STT3B: variants seen among roughly 807,000 people sequenced by gnomAD.
STT3B encodes dolichyl-diphosphooligosaccharide--protein glycosyltransferase subunit STT3B.
Under a neutral mutation model 96.8 loss-of-function variants are expected in STT3B, and 29 were observed. The observed-to-expected ratio is 0.30, with a 90% CI of 0.22 to 0.41. STT3B has a LOEUF of 0.41. STT3B is among the 10% of genes least tolerant of loss of function. The probability of loss-of-function intolerance (pLI) is 1.00; values close to 1 mark genes in which losing one functional copy is unlikely to be tolerated. For synonymous variants in STT3B, 367 were observed against 360.0 expected, an observed-to-expected ratio of 1.02 and a Z score of -0.22; for missense variants, 640 against 1,022.3, an observed-to-expected ratio of 0.63 and a Z score of 5.10.
At chr3:31,567,682 T>G (rs190394763) in intron 1 of STT3B, among the ~76,000 whole-genome samples, 160 of 152,312 alleles carry the variant, frequency 1.1e-3, no homozygotes, top group African/African-American at 3.2e-3. Flanking sequence ...AGGTTAATTT[T>G]AAGGCTGAGA....
chr3:31,558,539 C>T (rs187245274), intron 1 of STT3B, among the ~76,000 whole-genome samples: 242 of 152,164 alleles, frequency 1.6e-3, no homozygotes, highest in Non-Finnish European at 2.7e-3. Context: ...TGGTATAAAC[C>T]CATTTCATCA....
At chr3:31,572,541 T>G (rs1698182998) in intron 1 of STT3B, among the ~76,000 whole-genome samples, 1 of 152,156 alleles carries the variant, frequency 6.6e-6, no homozygotes, top group African/African-American at 2.4e-5. Flanking sequence ...CTAAGTGTTG[T>G]AAGTTTGAAC....
At chr3:31,572,911 A>G (rs1011567822) in intron 1 of STT3B, among the ~76,000 whole-genome samples, 1 of 152,218 alleles carries the variant, frequency 6.6e-6, no homozygotes, top group Non-Finnish European at 1.5e-5. Flanking sequence ...TTGGAGACAC[A>G]GTGATGTCTT....
At chr3:31,603,928 A>G (rs1314655705) in intron 5 of STT3B, among the ~76,000 whole-genome samples, 1 of 152,176 alleles carries the variant, frequency 6.6e-6, no homozygotes, top group African/African-American at 2.4e-5. Context: ...TGCTTTCCAG[A>G]TACATACAAT....
At chr3:31,586,082 A>G (rs1698528887) in intron 3 of STT3B, among the ~76,000 whole-genome samples, 1 of 152,106 alleles carries the variant, frequency 6.6e-6, no homozygotes. Context: ...CAAATACATG[A>G]CAGTAATATT....
chr3:31,571,686 C>T (rs1205081884), intron 1 of STT3B, among the ~76,000 whole-genome samples: 6 of 151,962 alleles, frequency 3.9e-5, no homozygotes, highest in Non-Finnish European at 4.4e-5. Context: ...AAAAGAAAAT[C>T]AGGCAGCTAA....
At chr3:31,625,497 C>T (rs1264137969) in intron 12 of STT3B, among the ~76,000 whole-genome samples, 2 of 152,126 alleles carry the variant, frequency 1.3e-5, no homozygotes, top group African/African-American at 2.4e-5. Context: ...AATGTAATCC[C>T]CTCTTTGTAC....
chr3:31,633,335 T>C (rs888762582), intron 15 of STT3B, among the ~76,000 whole-genome samples, 188 bp downstream of exon 15: 2 of 152,194 alleles, frequency 1.3e-5, no homozygotes, highest in Non-Finnish European at 2.9e-5. Context: ...ACTTCAGATA[T>C]CCCAAGCTGA....
chr3:31,542,325 T>C (rs1408595724), intron 1 of STT3B, among the ~76,000 whole-genome samples: 1 of 152,202 alleles, frequency 6.6e-6, no homozygotes, highest in East Asian at 1.9e-4. Flanking sequence ...AGGTCTGAGC[T>C]GAGGAATTTA....
intron 1 of STT3B, among the ~76,000 whole-genome samples, chr3:31,537,042 C>T (rs1697118826): frequency 6.6e-6 from 1 of 152,228 alleles, no homozygotes; most frequent in African/African-American, 2.4e-5. Context: ...GTGGGTTCTC[C>T]CTAGAGAGAA....
chr3:31,623,947 T>TCACAAACAACATTCTA, intron 11 of STT3B, 86 bp downstream of exon 11: 2 of 1,183,864 alleles, frequency 1.7e-6, no homozygotes, highest in Non-Finnish European at 2.3e-6. Context: ...AAATAGAATG[T>TCACAAACAACATTCTA]TGTTTGTGAG....
At chr3:31,551,054 C>T (rs1054487272) in intron 1 of STT3B, among the ~76,000 whole-genome samples, 9 of 152,110 alleles carry the variant, frequency 5.9e-5, no homozygotes, top group Admixed American at 4.6e-4. Context: ...CCTGAGAGGG[C>T]CTACTAATAG....
At chr3:31,554,623 A>G (rs992555504) in intron 1 of STT3B, among the ~76,000 whole-genome samples, 2 of 152,120 alleles carry the variant, frequency 1.3e-5, no homozygotes, top group East Asian at 3.9e-4. Flanking sequence ...GTGAGTTTTA[A>G]TTTATTCATC....
At chr3:31,564,576 C>G (rs1294325376) in intron 1 of STT3B, among the ~76,000 whole-genome samples, 1 of 152,184 alleles carries the variant, frequency 6.6e-6, no homozygotes, top group Non-Finnish European at 1.5e-5. Flanking sequence ...GGCATAATAA[C>G]CACTCATAAA....
At chr3:31,601,680 A>C (rs1369363080) in intron 5 of STT3B, among the ~76,000 whole-genome samples, 1 of 152,150 alleles carries the variant, frequency 6.6e-6, no homozygotes, top group African/African-American at 2.4e-5. Context: ...AATATTTTAG[A>C]ATTATATAGT....
Position 31,636,168 on chromosome 3 carries a change from A to T in STT3B, c.*104A>T. 1 of 832,486 alleles carries T rather than the reference A, an allele frequency of 1.2e-6. No homozygotes were observed. The highest frequency in any genetic ancestry group is 2.8e-5 in the East Asian group (1 of 35,150). The allele number at this position is 832,486 out of a possible 1,614,324, so 51.6% of individuals were successfully genotyped here. On this transcript the variant is annotated 3_prime_UTR_variant, in exon 16 of 16. Coordinates refer to ENST00000295770, the MANE Select transcript of STT3B (RefSeq NM_178862.3). ...ACAGCAAAGAGGGTACAGAACCATCACTGGTCCAGGTTAATGTACAAAATT... is the reference window on the plus strand; with the variant it reads ...ACAGCAAAGAGGGTACAGAACCATCTCTGGTCCAGGTTAATGTACAAAATT...
At chr3:31,543,058 T>A (rs1478326972) in intron 1 of STT3B, among the ~76,000 whole-genome samples, 2 of 98,338 alleles carry the variant, frequency 2.0e-5, no homozygotes, top group Non-Finnish European at 4.0e-5. Flanking sequence ...AGAGTGAGAC[T>A]CCATCTCACA....
At chr3:31,614,753 T>C (rs1699266830) in intron 5 of STT3B, among the ~76,000 whole-genome samples, 1 of 150,586 alleles carries the variant, frequency 6.6e-6, no homozygotes, top group African/African-American at 2.5e-5. Flanking sequence ...ATAGGACTGA[T>C]ATTTACTTAA....
At chr3:31,590,096 TTTTATCTAAATGACCTAA>T (rs1173724096) in intron 3 of STT3B, among the ~76,000 whole-genome samples, 2 of 151,998 alleles carry the variant, frequency 1.3e-5, no homozygotes, top group African/African-American at 4.8e-5. Context: ...AGTTTTTTTA[TTTTATCTAAATGACCTAA>T]TTTGTCGGCA....
Sources: allele counts gnomAD v4.1 joint callset (sites outside exome capture counted in the v4.1 genomes callset), GRCh38; gene constraint gnomAD v4.1.1; transcripts MANE v1.5; gene names NCBI Gene and HGNC (gene_info 2026-07-23, HGNC 2026-07-21).